RGS5: variants seen among roughly 807,000 people sequenced by gnomAD.
RGS5 encodes the protein regulator of G-protein signalling 5.
Under a neutral mutation model 18.9 loss-of-function variants are expected in RGS5, and 20 were observed. The ratio of observed to expected loss-of-function variants is 1.06; its 90% confidence interval spans 0.74 to 1.54. RGS5 has a LOEUF of 1.54. Ranked by LOEUF, RGS5 falls within the 40% of genes most tolerant of loss-of-function variation. RGS5 has a pLI of 0.00. For missense variants in RGS5, 201 were observed against 211.8 expected, an observed-to-expected ratio of 0.95 and a Z score of 0.32; for synonymous variants, 57 against 76.2, an observed-to-expected ratio of 0.75 and a Z score of 1.31.
rs185454104 is a variant in RGS5 at position 163,283,215 on chromosome 1, G to A, written c.-281+23018C>T. On this transcript the variant is annotated intron_variant, in intron 2 of 5. Transcript: ENST00000618415. ...TGGGAGGAATAAGTTTTAGTGTTCT[G>A]TAACACTGCAGGGAGAATATGATTA... is the stretch of plus-strand genomic sequence containing the variant. Among the ~76,000 whole-genome samples the A allele has an allele frequency of 2.8e-3, 425 of 152,228 alleles. 3 individuals are homozygous for A. The highest frequency in any genetic ancestry group is 3.0e-3 in the Non-Finnish European group (202 of 67,996).
At chr1:163,278,441 C>G (rs1460358647) in intron 2 of RGS5, among the ~76,000 whole-genome samples, 1 of 152,036 alleles carries the variant, frequency 6.6e-6, no homozygotes, top group Non-Finnish European at 1.5e-5. Context: ...GAACATTCAT[C>G]ATTAGACTGG....
In RGS5 at chr1:163,320,526, G is replaced by A. The variant is rs185135667; in HGVS notation, c.-378+1096C>T. 7.2e-5 allele frequency among the ~76,000 whole-genome samples: 11 copies of A among 152,248 alleles called. No homozygotes were observed. The East Asian group carries it at 1.2e-3, about 16-fold the overall frequency. ...GTAGAGATGTGCTCTCAGTCACTAC[G>A]CTATGGTTCCCTTCCCTGCCTCTAA... is the stretch of plus-strand genomic sequence containing the variant. On this transcript the variant is annotated intron_variant, in intron 1 of 5. Transcript: ENST00000618415.
At chr1:163,274,337 TGA>T (rs1648797543) in intron 2 of RGS5, among the ~76,000 whole-genome samples, 1 of 123,048 alleles carries the variant, frequency 8.1e-6, no homozygotes, top group Admixed American at 7.6e-5. Flanking sequence ...ATAAAACTCT[TGA>T]GCAATAAGAT....
intron 3 of RGS5, 197 bp downstream of exon 3, chr1:163,161,718 C>G (rs1657804618): frequency 2.0e-6 from 1 of 510,780 alleles, no homozygotes; most frequent in Non-Finnish European, 3.6e-6. Context: ...TTCACATTCC[C>G]TCATAGTGCC....
At chr1:163,152,093 T>C (rs1247953289) in intron 4 of RGS5, among the ~76,000 whole-genome samples, 1 of 152,170 alleles carries the variant, frequency 6.6e-6, no homozygotes, top group Non-Finnish European at 1.5e-5. Flanking sequence ...TTTCCACTTG[T>C]GGCATCATGG....
chr1:163,250,371 T>C (rs1456281283), intron 2 of RGS5, among the ~76,000 whole-genome samples: 1 of 152,256 alleles, frequency 6.6e-6, no homozygotes, highest in Non-Finnish European at 1.5e-5. Context: ...CAATATATCT[T>C]GAACCCAATT....
chr1:163,192,504 A>C (rs1187586099), intron 1 of RGS5, among the ~76,000 whole-genome samples: 1 of 152,230 alleles, frequency 6.6e-6, no homozygotes, highest in African/African-American at 2.4e-5. Flanking sequence ...TAAAGTGGAA[A>C]AAATTCCCAT....
At chr1:163,297,207 C>T (rs1325607689) in intron 2 of RGS5, among the ~76,000 whole-genome samples, 1 of 152,128 alleles carries the variant, frequency 6.6e-6, no homozygotes, top group African/African-American at 2.4e-5. Flanking sequence ...GAGGAGCTGA[C>T]TACAAAGAGA....
chr1:163,276,322 A>G (rs1373687130), intron 2 of RGS5, among the ~76,000 whole-genome samples: 1 of 152,152 alleles, frequency 6.6e-6, no homozygotes, highest in Admixed American at 6.5e-5. Context: ...CATCCCAACC[A>G]TAAAGAATTT....
intron 2 of RGS5, among the ~76,000 whole-genome samples, chr1:163,296,373 C>T (rs901226352): frequency 3.9e-5 from 6 of 152,162 alleles, no homozygotes; most frequent in African/African-American, 1.4e-4. Context: ...CTTTGCAAAC[C>T]TCTTAAAACT....
chr1:163,296,563 A>T (rs970907510), intron 2 of RGS5, among the ~76,000 whole-genome samples: 1 of 152,200 alleles, frequency 6.6e-6, no homozygotes, highest in Admixed American at 6.5e-5. Context: ...CCATCACTGG[A>T]GGTATTCAAA....
intron 1 of RGS5, among the ~76,000 whole-genome samples, chr1:163,310,436 G>A (rs1428093931): frequency 1.3e-5 from 2 of 151,994 alleles, no homozygotes; most frequent in Non-Finnish European, 2.9e-5. Flanking sequence ...TTAGCCGGGC[G>A]CAGTGGTGGG....
chr1:163,208,347 C>CAAA (rs55848330), intron 1 of RGS5, among the ~76,000 whole-genome samples: 4,137 of 37,622 alleles, frequency 0.11, 682 homozygotes, highest in Non-Finnish European at 0.19. Context: ...GACTCCGTCT[C>CAAA]AAAAAAAAAA....
intron 1 of RGS5, among the ~76,000 whole-genome samples, chr1:163,201,293 G>A (rs1659762907): frequency 6.6e-6 from 1 of 152,108 alleles, no homozygotes; most frequent in South Asian, 2.1e-4. Context: ...GAAAGGCACA[G>A]AAAACTTTCC....
chr1:163,160,702 A>G (rs1657764977), intron 3 of RGS5, among the ~76,000 whole-genome samples: 1 of 152,188 alleles, frequency 6.6e-6, no homozygotes, highest in South Asian at 2.1e-4. Context: ...TTTGTCATCT[A>G]CTCTGTGCCC....
chr1:163,266,556 C>G (rs893827731), intron 2 of RGS5: 18 of 152,068 alleles, frequency 1.2e-4, no homozygotes, highest in African/African-American at 2.9e-4. Context: ...AATGCCCATA[C>G]CCCTCAACTC....
intron 2 of RGS5, among the ~76,000 whole-genome samples, chr1:163,233,596 C>A (rs569853353): frequency 2.0e-4 from 30 of 152,276 alleles, no homozygotes; most frequent in South Asian, 2.1e-4. Context: ...CACCTGGGTG[C>A]AGATGGGCTG....
chr1:163,295,414 T>A (rs1198733945), intron 2 of RGS5, among the ~76,000 whole-genome samples: 1 of 152,200 alleles, frequency 6.6e-6, no homozygotes, highest in Non-Finnish European at 1.5e-5. Flanking sequence ...ATGGCCTAGG[T>A]CATGGGATAA....
At chr1:163,243,964 T>G (rs1232785049) in intron 2 of RGS5, among the ~76,000 whole-genome samples, 1 of 152,166 alleles carries the variant, frequency 6.6e-6, no homozygotes, top group South Asian at 2.1e-4. Context: ...AATTAAACTC[T>G]AATATAAAAT....
Sources: gnomAD v4.1 joint callset for allele counts (sites outside exome capture counted in the v4.1 genomes callset) on GRCh38, gnomAD v4.1.1 for gene constraint, MANE v1.5 for transcripts, NCBI Gene and HGNC (gene_info 2026-07-23, HGNC 2026-07-21) for gene names.